Variants in MTCL2 observed in about 807,000 individuals in gnomAD.
MTCL2 encodes the protein microtubule cross-linking factor 2.
the MTCL2 span, chr20:36,804,853 T>G: frequency 6.2e-7 from 1 of 1,613,930 alleles, no homozygotes; most frequent in Non-Finnish European, 8.5e-7. Flanking sequence ...CCAGCACAGC[T>G]CCTTCAGCGT....
the MTCL2 span, chr20:36,803,216 A>C: frequency 3.5e-6 from 5 of 1,441,552 alleles, no homozygotes; most frequent in African/African-American, 5.7e-5. Context: ...AGGTCCCCTC[A>C]GAAGACCCCT....
chr20:36,783,928 C>T, the MTCL2 span: 1 of 985,350 alleles, frequency 1.0e-6, no homozygotes. Context: ...CCAGAGGCTT[C>T]TGCAGGAACA....
At chr20:36,856,531 C>T in the MTCL2 span, among the ~76,000 whole-genome samples, 3 of 152,246 alleles carry the variant, frequency 2.0e-5, no homozygotes, top group Admixed American at 2.0e-4. Flanking sequence ...GCTCGACAAT[C>T]GGTCCACTTC....
At chr20:36,810,720 C>G in the MTCL2 span, among the ~76,000 whole-genome samples, 1 of 113,302 alleles carries the variant, frequency 8.8e-6, no homozygotes, top group Non-Finnish European at 1.7e-5. Context: ...CTCTCTCCCT[C>G]TCTCTCTCTC....
chr20:36,849,734 T>C, the MTCL2 span, among the ~76,000 whole-genome samples: 1 of 152,162 alleles, frequency 6.6e-6, no homozygotes, highest in East Asian at 1.9e-4. Context: ...TGATTTACGT[T>C]TGTACACTGA....
chr20:36,839,317 A>C, the MTCL2 span: 1 of 1,612,802 alleles, frequency 6.2e-7, no homozygotes, highest in Non-Finnish European at 8.5e-7. The surrounding 1 kb of genome is among the most constrained non-coding windows in gnomAD (Gnocchi z 5.1). Context: ...CCGGTACTGC[A>C]GGATGCGGCA....
At chr20:36,801,621 T>G in the MTCL2 span, among the ~76,000 whole-genome samples, 1 of 152,054 alleles carries the variant, frequency 6.6e-6, no homozygotes, top group East Asian at 1.9e-4. Flanking sequence ...AAATGTACCT[T>G]TGTAATATGT....
the MTCL2 span, chr20:36,829,028 C>T: frequency 5.3e-6 from 8 of 1,522,374 alleles, no homozygotes; most frequent in Middle Eastern, 2.1e-4. Context: ...CCTAGGCTGG[C>T]CCTGCTGGAT....
the MTCL2 span, among the ~76,000 whole-genome samples, chr20:36,847,076 G>A: frequency 7.2e-5 from 11 of 152,214 alleles, no homozygotes; most frequent in Non-Finnish European, 1.2e-4. Flanking sequence ...CAGGCAGTAC[G>A]TGCATTATCA....
At chr20:36,849,299 T>G in the MTCL2 span, among the ~76,000 whole-genome samples, 1 of 151,946 alleles carries the variant, frequency 6.6e-6, no homozygotes, top group Non-Finnish European at 1.5e-5. Context: ...TGACAGGTAA[T>G]CCACCCGCCT....
At chr20:36,836,150 G>T in the MTCL2 span, among the ~76,000 whole-genome samples, 1 of 144,670 alleles carries the variant, frequency 6.9e-6, no homozygotes, top group Admixed American at 7.3e-5. Flanking sequence ...GTAGAGGTAC[G>T]CTTTGAACTT....
chr20:36,817,971 G>A, the MTCL2 span, among the ~76,000 whole-genome samples: 3 of 152,206 alleles, frequency 2.0e-5, no homozygotes, highest in African/African-American at 4.8e-5. Context: ...ACAGCCATTG[G>A]TTGAGGAGAA....
At chr20:36,846,606 G>A in the MTCL2 span, among the ~76,000 whole-genome samples, 1 of 152,196 alleles carries the variant, frequency 6.6e-6, no homozygotes, top group African/African-American at 2.4e-5. Context: ...ACCAGCTTCT[G>A]CAGTAGGTCC....
At chr20:36,854,915 C>T in the MTCL2 span, among the ~76,000 whole-genome samples, 3 of 151,976 alleles carry the variant, frequency 2.0e-5, no homozygotes, top group Admixed American at 1.3e-4. Flanking sequence ...AGTGACACGA[C>T]GCCGTGGGGG....
chr20:36,863,121 C>A, the MTCL2 span: 1 of 1,397,540 alleles, frequency 7.2e-7, no homozygotes, highest in South Asian at 1.4e-5. This position sits in a 1 kb window ranked among gnomAD's most constrained non-coding sequence, Gnocchi z 6.2. Flanking sequence ...AGCCACTGCG[C>A]GCCCCTTCTT....
At chr20:36,849,288 C>A in the MTCL2 span, among the ~76,000 whole-genome samples, 4 of 151,762 alleles carry the variant, frequency 2.6e-5, no homozygotes, top group African/African-American at 9.7e-5. Flanking sequence ...TCTTGAACTC[C>A]TGACAGGTAA....
chr20:36,855,260 A>T, the MTCL2 span, among the ~76,000 whole-genome samples: 5 of 152,232 alleles, frequency 3.3e-5, no homozygotes, highest in Non-Finnish European at 7.3e-5. Flanking sequence ...AGATGACGAG[A>T]CCGAGGCTCA....
chr20:36,821,367 C>CA, the MTCL2 span, among the ~76,000 whole-genome samples: 187 of 145,276 alleles, frequency 1.3e-3, no homozygotes, highest in South Asian at 4.1e-3. Context: ...ACTAAAAATA[C>CA]AAAAAAAAAA....
At chr20:36,824,588 C>A in the MTCL2 span, among the ~76,000 whole-genome samples, 1 of 152,042 alleles carries the variant, frequency 6.6e-6, no homozygotes, top group Non-Finnish European at 1.5e-5. Context: ...ATAATGGTGA[C>A]GCTACAAAAC....
Sources: allele counts gnomAD v4.1 joint callset (sites outside exome capture counted in the v4.1 genomes callset), GRCh38; gene constraint gnomAD v4.1.1; non-coding constraint Gnocchi (gnomAD v3.1); transcripts MANE v1.5; gene names NCBI Gene and HGNC (gene_info 2026-07-23, HGNC 2026-07-21).